The following NCOR2 variants were observed in gnomAD, a reference collection of about 807,000 sequenced individuals.
NCOR2 encodes CTG repeat protein 26.
In NCOR2, 81 loss-of-function variants were observed where a neutral mutation model predicts 262.9. The observed-to-expected ratio is 0.31, with a 90% CI of 0.26 to 0.37. NCOR2 has a LOEUF of 0.37. Ranked by LOEUF, NCOR2 falls within the 10% of genes least tolerant of loss-of-function variation. NCOR2 has a pLI of 1.00. For synonymous variants in NCOR2, 1,659 were observed against 1,559.3 expected, an observed-to-expected ratio of 1.06 and a Z score of -1.51; for missense variants, 3,385 against 3,621.4, an observed-to-expected ratio of 0.93 and a Z score of 1.68.
intron 25 of NCOR2, 100 bp downstream of exon 27, chr12:124,354,737 G>A: frequency 7.5e-7 from 1 of 1,327,468 alleles, no homozygotes; most frequent in East Asian, 2.5e-5. Flanking sequence ...GCTGCTACCT[G>A]GAGTACCGTG....
intron 1 of NCOR2, chr12:124,562,310 G>T (rs1281623219): frequency 6.6e-6 from 1 of 152,186 alleles, no homozygotes; most frequent in East Asian, 1.9e-4. Context: ...ATCACCGCAG[G>T]AGTTCCCAGA....
chr12:124,425,588 TCTC>T (rs1013353971), intron 11 of NCOR2, among the ~76,000 whole-genome samples: 9 of 152,064 alleles, frequency 5.9e-5, no homozygotes, highest in Non-Finnish European at 1.3e-4. Context: ...GGGCCCACGA[TCTC>T]CTCTGGGGAC....
chr12:124,332,179 T>TG (rs2035256379), intron 43 of NCOR2, 140 bp downstream of exon 45: 3 of 1,040,592 alleles, frequency 2.9e-6, no homozygotes, highest in Non-Finnish European at 4.2e-6. Context: ...GCAAAGGGCC[T>TG]GGGGGGAGGT....
chr12:124,336,575 A>T, intron 38 of NCOR2, 178 bp downstream of exon 40: 1 of 978,956 alleles, frequency 1.0e-6, no homozygotes, highest in Non-Finnish European at 1.2e-6. Flanking sequence ...GCCAAAGTAA[A>T]AAGCAGAGAT....
Position 124,483,813 on chromosome 12 carries a change from C to T in NCOR2, c.234-40G>A, listed in dbSNP as rs906303. Reference sequence around the variant, plus strand: ...GCATCCAACGTCACATAGGAGATTGCGGCTCTGAGAACTCCCGAGGCCCCG... The same window carrying T: ...GCATCCAACGTCACATAGGAGATTGTGGCTCTGAGAACTCCCGAGGCCCCG... On this transcript the variant is annotated intron_variant, in intron 2 of 46. Transcript: ENST00000405201. The surrounding 1 kb of genome is among the most constrained non-coding windows in gnomAD (Gnocchi z 6.3). The T allele has an allele frequency of 0.11, 165,035 of 1,522,636 alleles. 9,254 individuals are homozygous for T. Among genetic ancestry groups the T allele is most frequent in the Admixed American group, 0.16 (8,157 of 50,946 alleles). 94.3% of individuals were successfully genotyped at this position (1,522,636 alleles called of 1,614,324 possible). A position where few individuals can be genotyped will look rare whatever the true frequency, so the allele number is the denominator to read the frequency against.
intron 43 of NCOR2, among the ~76,000 whole-genome samples, chr12:124,331,292 A>AC (rs1157842239): frequency 1.2e-4 from 18 of 151,912 alleles, no homozygotes; most frequent in African/African-American, 4.3e-4. Flanking sequence ...CAAACTCCTG[A>AC]CCTCATATGA....
At chr12:124,433,904 A>G (rs11057622) in intron 8 of NCOR2, among the ~76,000 whole-genome samples, 2,546 of 93,868 alleles carry the variant, frequency 0.027, 174 homozygotes, top group East Asian at 0.071. Flanking sequence ...ACACACGCAC[A>G]CACACACACA....
chr12:124,344,738 C>A, exon 32 of NCOR2: 1 of 1,544,538 alleles, frequency 6.5e-7, no homozygotes, highest in Admixed American at 2.0e-5. Flanking sequence ...ACCGGGGCGC[C>A]GCGCGCAATG....
At chr12:124,345,460 G>T (rs1473601489) in intron 31 of NCOR2, among the ~76,000 whole-genome samples, 1 of 152,154 alleles carries the variant, frequency 6.6e-6, no homozygotes, top group Non-Finnish European at 1.5e-5. Flanking sequence ...TGAGGAAATG[G>T]GGGGGTCACA....
At chr12:124,415,983 T>C (rs1488146653) in intron 13 of NCOR2, among the ~76,000 whole-genome samples, 5 of 152,080 alleles carry the variant, frequency 3.3e-5, no homozygotes, top group Non-Finnish European at 5.9e-5. Context: ...TTTTTTCCCT[T>C]TTTAAAAAAT....
At chr12:124,555,921 T>G (rs1282971103) in intron 1 of NCOR2, 2 of 152,252 alleles carry the variant, frequency 1.3e-5, no homozygotes, top group Non-Finnish European at 2.9e-5. Flanking sequence ...CCAGCCCACA[T>G]GGAAGGCTTC....
chr12:124,460,985 A>G (rs1002054897), intron 5 of NCOR2, among the ~76,000 whole-genome samples: 1 of 152,250 alleles, frequency 6.6e-6, no homozygotes, highest in Non-Finnish European at 1.5e-5. Flanking sequence ...AGGGGACGCC[A>G]GGACACACTT....
intron 16 of NCOR2, chr12:124,388,987 C>G (rs982777247): frequency 1.2e-5 from 6 of 497,960 alleles, no homozygotes; most frequent in African/African-American, 8.3e-5. Context: ...TGTGGTGGCC[C>G]GGGGCTCCTC....
At chr12:124,359,491 G>C (rs2038335112) in intron 22 of NCOR2, among the ~76,000 whole-genome samples, 1 of 152,260 alleles carries the variant, frequency 6.6e-6, no homozygotes, top group Admixed American at 6.5e-5. Context: ...GAGGTGGGCA[G>C]CCCACAGGAG....
At chr12:124,556,679 GCA>G (rs1464338433) in intron 1 of NCOR2, among the ~76,000 whole-genome samples, 1 of 152,106 alleles carries the variant, frequency 6.6e-6, no homozygotes, top group Non-Finnish European at 1.5e-5. Context: ...GGCCAACATG[GCA>G]AAACCCCATC....
In NCOR2 at chr12:124,344,571, C is replaced by T. The variant is rs1295856646; in HGVS notation, c.4714+26G>A. ...CTTCTCCAGACAGGCGCCCACCCCA[C>T]TCACGCCCATGCACACCCCACTCAC... is the stretch of plus-strand genomic sequence containing the variant. On this transcript the variant is annotated intron_variant, in intron 32 of 46. Coordinates refer to ENST00000405201, the Ensembl canonical transcript of NCOR2. 4.2e-6 allele frequency: 6 copies of T among 1,430,318 alleles called. No individual in the cohort carries two copies. In the East Asian group the frequency reaches 1.3e-4, roughly 30 times the overall value. The allele number at this position is 1,430,318 out of a possible 1,614,324, so 88.6% of individuals were successfully genotyped here.
intron 16 of NCOR2, chr12:124,388,976 C>A (rs1276839586): frequency 1.8e-6 from 1 of 544,130 alleles, no homozygotes; most frequent in Admixed American, 6.4e-5. Context: ...GTCCGCCTGC[C>A]TGTGGTGGCC....
chr12:124,483,725 C>T lies in NCOR2; in HGVS notation c.282G>A (p.Glu94=), dbSNP rs752563095. 3 of 1,611,364 alleles carry T rather than the reference C, an allele frequency of 1.9e-6. No homozygotes were observed. In the East Asian group the frequency reaches 6.7e-5, roughly 36 times the overall value. ...TGAACTCCATCTCTGACTTCCCCAG[C>T]TCGGGCAGGTATGAGTGGGACTCTG... is the stretch of plus-strand genomic sequence containing the variant. Residue 94 remains glutamate, a synonymous_variant, in exon 3 of 47, where the codon GAG becomes GAA. Transcript: ENST00000405201. This position sits in a 1 kb window ranked among gnomAD's most constrained non-coding sequence, Gnocchi z 6.3.
chr12:124,331,139 T>C (rs1229551801), intron 43 of NCOR2, among the ~76,000 whole-genome samples: 1 of 151,016 alleles, frequency 6.6e-6, no homozygotes, highest in Non-Finnish European at 1.5e-5. Context: ...CTCGGCTCCC[T>C]GCAACCTCCG....
Sources: gnomAD v4.1 joint callset for allele counts (sites outside exome capture counted in the v4.1 genomes callset) on GRCh38, gnomAD v4.1.1 for gene constraint, Gnocchi (gnomAD v3.1) non-coding constraint, MANE v1.5 for transcripts, NCBI Gene and HGNC (gene_info 2026-07-23, HGNC 2026-07-21) for gene names.